Variants in EIF4E observed in about 807,000 individuals in gnomAD.
EIF4E encodes eukaryotic translation initiation factor 4E.
For missense variants in EIF4E, 113 were observed against 265.6 expected, an observed-to-expected ratio of 0.43 and a Z score of 3.99; for synonymous variants, 71 against 88.5, an observed-to-expected ratio of 0.80 and a Z score of 1.11.
chr4:98,902,009 T>C (rs1427645439), intron 1 of EIF4E, 27 bp from the exon 2 acceptor site: 2 of 1,570,556 alleles, frequency 1.3e-6, no homozygotes, highest in Non-Finnish European at 1.8e-6. Flanking sequence ...TAAAACATTA[T>C]TTTAAATGTC....
intron 1 of EIF4E, among the ~76,000 whole-genome samples, chr4:98,912,392 T>G (rs574086702): frequency 6.6e-5 from 10 of 150,662 alleles, no homozygotes; most frequent in Admixed American, 1.3e-4. Flanking sequence ...CTGGCCAACA[T>G]AGTGAAACCC....
chr4:98,915,479 A>C (rs944724160), intron 1 of EIF4E, among the ~76,000 whole-genome samples: 1 of 152,160 alleles, frequency 6.6e-6, no homozygotes, highest in African/African-American at 2.4e-5. Context: ...TGGACTGCTC[A>C]GTGTATTCCA....
rs1723951809 is a variant in EIF4E at position 98,887,010 on chromosome 4, CAT to C, written c.399+67_399+68del. On this transcript the variant is annotated intron_variant, in intron 5 of 6. Transcript: ENST00000450253. This position sits in a 1 kb window ranked among gnomAD's most constrained non-coding sequence, Gnocchi z 4.0. ...CTTAAATTAAGTAACAAATGTAAAA[CAT>C]AACATATCTTAAGTATCAGTATTCC... The C allele has an allele frequency of 8.2e-6, 12 of 1,460,278 alleles. No homozygotes were observed. The highest frequency in any genetic ancestry group is 1.2e-5 in the Non-Finnish European group (12 of 1,043,224). The allele number at this position is 1,460,278 out of a possible 1,614,324, so 90.5% of individuals were successfully genotyped here.
At chr4:98,899,330 G>T (rs992920595) in intron 2 of EIF4E, among the ~76,000 whole-genome samples, 1 of 152,210 alleles carries the variant, frequency 6.6e-6, no homozygotes, top group East Asian at 1.9e-4. Context: ...AAAATATTTT[G>T]AAACTTCAAT....
chr4:98,884,080 C>CA (rs1193572543), intron 6 of EIF4E, among the ~76,000 whole-genome samples: 20 of 145,696 alleles, frequency 1.4e-4, no homozygotes, highest in African/African-American at 4.0e-4. Flanking sequence ...ATAAAATTTA[C>CA]AAAAAAAGGT....
chr4:98,921,788 G>A (rs1725653248), intron 1 of EIF4E, among the ~76,000 whole-genome samples: 1 of 152,094 alleles, frequency 6.6e-6, no homozygotes, highest in Non-Finnish European at 1.5e-5. Context: ...TTTTAAAAAT[G>A]TACTAAAACT....
intron 1 of EIF4E, among the ~76,000 whole-genome samples, chr4:98,912,714 C>T (rs1725206615): frequency 6.6e-6 from 1 of 152,122 alleles, no homozygotes; most frequent in South Asian, 2.1e-4. Context: ...ATGATAATTT[C>T]CATTTCAATT....
intron 1 of EIF4E, among the ~76,000 whole-genome samples, chr4:98,914,604 C>CA (rs1560651061): frequency 6.6e-6 from 1 of 151,782 alleles, no homozygotes; most frequent in Non-Finnish European, 1.5e-5. Context: ...CTGGAAAAGA[C>CA]AAAAAGATCA....
At chr4:98,913,766 C>T (rs1183104468) in intron 1 of EIF4E, among the ~76,000 whole-genome samples, 7 of 152,124 alleles carry the variant, frequency 4.6e-5, no homozygotes, top group Admixed American at 1.3e-4. Flanking sequence ...TTAAGTTTTA[C>T]TTAATTTAAG....
At chr4:98,921,791 C>T (rs894512755) in intron 1 of EIF4E, among the ~76,000 whole-genome samples, 2 of 152,106 alleles carry the variant, frequency 1.3e-5, no homozygotes, top group Non-Finnish European at 1.5e-5. Flanking sequence ...TAAAAATGTA[C>T]TAAAACTTTT....
chr4:98,909,167 A>G (rs1426778819), intron 1 of EIF4E, among the ~76,000 whole-genome samples: 1 of 152,194 alleles, frequency 6.6e-6, no homozygotes, highest in African/African-American at 2.4e-5. Flanking sequence ...CACTACCAGG[A>G]AAAAAAGCAA....
intron 6 of EIF4E, 60 bp from the exon 7 acceptor site, chr4:98,881,202 T>C (rs1723678945): frequency 6.4e-7 from 1 of 1,570,962 alleles, no homozygotes; most frequent in Non-Finnish European, 8.6e-7. Flanking sequence ...TCACAAGAAA[T>C]ACATTTAAAA....
intron 1 of EIF4E, among the ~76,000 whole-genome samples, chr4:98,918,773 A>G (rs1393405352): frequency 2.6e-5 from 4 of 152,258 alleles, no homozygotes. Context: ...TACAAGACAT[A>G]TTAAGTGAAA....
intron 1 of EIF4E, chr4:98,909,646 T>C (rs1044674754): frequency 2.8e-6 from 2 of 711,342 alleles, no homozygotes; most frequent in African/African-American, 3.5e-5. Context: ...ATATGCAGCT[T>C]CCAACCTGTG....
Position 98,884,930 on chromosome 4 carries a change from T to C in EIF4E, c.531A>G (p.Thr177=), listed in dbSNP as rs1235435385. The C allele has an allele frequency of 1.9e-6, 3 of 1,612,696 alleles. No individual in the cohort carries two copies. Among genetic ancestry groups the C allele is most frequent in the South Asian group, 1.1e-5 (1 of 91,000 alleles). Residue 177 remains threonine, a synonymous_variant, in exon 6 of 7, where the codon ACA becomes ACG. Coordinates refer to ENST00000450253, the MANE Select transcript of EIF4E (RefSeq NM_001968.5). ...TTECENREAV[T]HIGRVYKERL... ...CAAAGAGCAAAACTTACCCTATATG[T>C]GTAACAGCTTCTCTGTTTTCACATT...
intron 2 of EIF4E, among the ~76,000 whole-genome samples, chr4:98,893,470 G>A (rs554787038): frequency 5.9e-5 from 9 of 152,284 alleles, no homozygotes; most frequent in Admixed American, 2.0e-4. Flanking sequence ...TATCAATTTG[G>A]TTTATGTAAT....
intron 1 of EIF4E, among the ~76,000 whole-genome samples, chr4:98,918,966 T>G (rs1265267806): frequency 4.6e-5 from 7 of 152,176 alleles, no homozygotes; most frequent in Non-Finnish European, 2.9e-5. Context: ...GCATAAAACT[T>G]GAGTTTTGAA....
At chr4:98,925,792 C>T (rs1046571168) in intron 1 of EIF4E, among the ~76,000 whole-genome samples, 1 of 152,090 alleles carries the variant, frequency 6.6e-6, no homozygotes, top group South Asian at 2.1e-4. Context: ...CACAAACTAG[C>T]TGAAGTAAGA....
intron 6 of EIF4E, 108 bp downstream of exon 6, chr4:98,884,814 G>C: frequency 1.4e-6 from 2 of 1,439,264 alleles, no homozygotes; most frequent in Non-Finnish European, 9.6e-7. Flanking sequence ...AACAATACAA[G>C]GAAAACAGGA....
Sources: allele counts gnomAD v4.1 joint callset (sites outside exome capture counted in the v4.1 genomes callset), GRCh38; gene constraint gnomAD v4.1.1; non-coding constraint Gnocchi (gnomAD v3.1); transcripts MANE v1.5; gene names NCBI Gene and HGNC (gene_info 2026-07-23, HGNC 2026-07-21).